Variants in WWP1 observed in about 807,000 individuals in gnomAD.
WWP1 encodes the protein NEDD4-like E3 ubiquitin-protein ligase WWP1.
Under a neutral mutation model 130.6 loss-of-function variants are expected in WWP1, and 49 were observed. That is an observed-to-expected ratio of 0.38 (90% CI 0.30 to 0.48). The LOEUF is 0.48. Ranked by LOEUF, WWP1 falls within the 20% of genes least tolerant of loss-of-function variation. WWP1 has a pLI of 0.99. For synonymous variants in WWP1, 332 were observed against 367.8 expected (o/e 0.90, Z 1.11); for missense variants, 809 against 1,100.6 (o/e 0.74, Z 3.75).
chr8:86,443,392 A>G (rs1324986605), intron 18 of WWP1, among the ~76,000 whole-genome samples: 1 of 152,172 alleles, frequency 6.6e-6, no homozygotes, highest in Non-Finnish European at 1.5e-5. Context: ...AATAAAAGGA[A>G]AATCTGAGCT....
At chr8:86,367,799 C>G (rs1032587638) in intron 1 of WWP1, among the ~76,000 whole-genome samples, 2 of 152,208 alleles carry the variant, frequency 1.3e-5, no homozygotes, top group Non-Finnish European at 2.9e-5. Flanking sequence ...AGTCATACCA[C>G]TATGCAGATT....
At position 86,349,671 on chromosome 8, in the gene WWP1, C is replaced by T. The variant is rs562524154; in HGVS notation, c.-115+6741C>T. On this transcript the variant is annotated intron_variant, in intron 1 of 24. Coordinates refer to ENST00000517970, the MANE Select transcript of WWP1 (RefSeq NM_007013.4). ...ACTACGCAAATGGGAATACCTAGCA[C>T]TCTCCTTGGTTAGAAAAGAGGAGAA... is the stretch of plus-strand genomic sequence containing the variant. Among the ~76,000 whole-genome samples the T allele has an allele frequency of 4.6e-5, 7 of 152,200 alleles. No homozygotes were observed. The South Asian group carries it at 1.4e-3, about 31-fold the overall frequency.
rs1226762778 is a variant in WWP1 at position 86,461,986 on chromosome 8, A to G, written c.2669+140A>G. On this transcript the variant is annotated intron_variant, in intron 24 of 24. Coordinates refer to ENST00000517970, the MANE Select transcript of WWP1 (RefSeq NM_007013.4). ...TTCAATTTTGAGAACAGATTAATAC[A>G]GCATTCTATAACTGAACACTTTAGC... 8 of 662,218 alleles carry G rather than the reference A, an allele frequency of 1.2e-5. No homozygotes were observed. In the East Asian group the frequency reaches 1.9e-4, roughly 15 times the overall value. The allele number at this position is 662,218 out of a possible 1,614,324, so 41.0% of individuals were successfully genotyped here. A position where few individuals can be genotyped will look rare whatever the true frequency, so the allele number is the denominator to read the frequency against.
At chr8:86,433,229 CTTTT>C (rs11321240) in intron 14 of WWP1, among the ~76,000 whole-genome samples, 19 of 119,048 alleles carry the variant, frequency 1.6e-4, no homozygotes, top group Admixed American at 5.2e-4. Context: ...TCCTAAGCCT[CTTTT>C]TTTTTTTTTT....
intron 23 of WWP1, chr8:86,461,526 T>A (rs188346803): frequency 3.2e-5 from 20 of 625,688 alleles, no homozygotes; most frequent in Admixed American, 8.9e-5. Context: ...AGGTGGCCAT[T>A]GCTTTGCTCC....
At chr8:86,378,407 T>C (rs1194889312) in intron 3 of WWP1, among the ~76,000 whole-genome samples, 1 of 152,174 alleles carries the variant, frequency 6.6e-6, no homozygotes, top group East Asian at 1.9e-4. Flanking sequence ...TTAAGTTTAT[T>C]ACTAGATTTT....
Position 86,440,702 on chromosome 8 carries a change from G to A in WWP1, c.1839-1917G>A, listed in dbSNP as rs146658223. On this transcript the variant is annotated intron_variant, in intron 17 of 24. Coordinates refer to ENST00000517970, the MANE Select transcript of WWP1 (RefSeq NM_007013.4). ...TTTGAATATTTTTTCTGTTCCATTT[G>A]TTCCATTTTTCTTCAGGAACATCAG... is the stretch of plus-strand genomic sequence containing the variant. The A allele has an allele frequency of 5.8e-3, 2,649 of 453,998 alleles. 17 individuals carry two copies. The highest frequency in any genetic ancestry group is 0.01 in the Non-Finnish European group (2,308 of 225,742). The allele number at this position is 453,998 out of a possible 1,614,324, so 28.1% of individuals were successfully genotyped here. A position where few individuals can be genotyped will look rare whatever the true frequency, so the allele number is the denominator to read the frequency against.
chr8:86,394,014 C>T (rs960910983), intron 5 of WWP1, among the ~76,000 whole-genome samples: 2 of 152,222 alleles, frequency 1.3e-5, no homozygotes, highest in Non-Finnish European at 2.9e-5. Flanking sequence ...CTCCTCTCAG[C>T]AGCCAGCACC....
At chr8:86,452,746 A>G in intron 21 of WWP1, 67 bp downstream of exon 21, 1 of 1,572,950 alleles carries the variant, frequency 6.4e-7, no homozygotes, top group Non-Finnish European at 8.7e-7. Flanking sequence ...TAGTGCTTTT[A>G]CAGAACAGTG....
Position 86,362,177 on chromosome 8 carries a change from T to C in WWP1, c.-114-6762T>C, listed in dbSNP as rs1168028556. On this transcript the variant is annotated intron_variant, in intron 1 of 24. Coordinates refer to ENST00000517970, the MANE Select transcript of WWP1 (RefSeq NM_007013.4). ...TATATACAAGGCATATATATATATA[T>C]ATATATATATATATATATATATATA... 5.7e-5 allele frequency among the ~76,000 whole-genome samples: 7 copies of C among 123,666 alleles called. 1 individual carries two copies. The highest frequency in any genetic ancestry group is 2.3e-4 in the African/African-American group (7 of 30,776). The allele number at this position is 123,666 out of a possible 152,430, so 81.1% of individuals were successfully genotyped here.
At chr8:86,411,898 G>T in intron 9 of WWP1, 24 bp downstream of exon 9, 1 of 1,561,940 alleles carries the variant, frequency 6.4e-7, no homozygotes, top group South Asian at 1.2e-5. Context: ...TTTAATGTCT[G>T]ACTTGCATTT....
chr8:86,466,602 T>G (rs553237770), intron 24 of WWP1, among the ~76,000 whole-genome samples, 192 bp from the exon 25 acceptor site: 1 of 152,158 alleles, frequency 6.6e-6, no homozygotes, highest in South Asian at 2.1e-4. Flanking sequence ...AATTCCATTT[T>G]CCTCTTGGAG....
At chr8:86,433,588 C>G (rs1316754003) in intron 14 of WWP1, among the ~76,000 whole-genome samples, 3 of 151,864 alleles carry the variant, frequency 2.0e-5, no homozygotes, top group African/African-American at 7.3e-5. Flanking sequence ...AAAAACCCAG[C>G]TCTACCTGTG....
chr8:86,371,518 C>G (rs1824297703), intron 2 of WWP1, among the ~76,000 whole-genome samples: 1 of 152,158 alleles, frequency 6.6e-6, no homozygotes, highest in South Asian at 2.1e-4. Flanking sequence ...ATCAACATTC[C>G]TAGTTTTTAC....
chr8:86,384,346 A>C (rs987326659), intron 5 of WWP1, among the ~76,000 whole-genome samples: 32 of 152,178 alleles, frequency 2.1e-4, no homozygotes, highest in African/African-American at 7.7e-4. Context: ...ACAATAGAAG[A>C]CATTTATGGG....
intron 22 of WWP1, among the ~76,000 whole-genome samples, chr8:86,458,933 C>A (rs1356075892): frequency 1.3e-5 from 2 of 151,948 alleles, no homozygotes; most frequent in Non-Finnish European, 2.9e-5. Flanking sequence ...ACCTAAATGT[C>A]CATCAGGAGA....
At chr8:86,458,156 TC>T in intron 22 of WWP1, 131 bp downstream of exon 22, 1 of 681,600 alleles carries the variant, frequency 1.5e-6, no homozygotes. Context: ...TAATTCTAAA[TC>T]TAAGCGAATA....
rs796349100 is a variant in WWP1, at chr8:86,364,837, G to A, written c.-114-4102G>A. 8.9e-4 allele frequency among the ~76,000 whole-genome samples: 123 copies of A among 137,502 alleles called. 1 individual carries two copies. The highest frequency in any genetic ancestry group is 1.4e-3 in the Non-Finnish European group (85 of 61,282). 90.2% of individuals were successfully genotyped at this position (137,502 alleles called of 152,430 possible). A position where few individuals can be genotyped will look rare whatever the true frequency, so the allele number is the denominator to read the frequency against. ...AAAGAAAGAAAGAAAGAAAGAAAGA[G>A]AGAGAGAGAGAGAGAGAGAGAAAGA... On this transcript the variant is annotated intron_variant, in intron 1 of 24. Coordinates refer to ENST00000517970, the MANE Select transcript of WWP1 (RefSeq NM_007013.4).
intron 8 of WWP1, among the ~76,000 whole-genome samples, chr8:86,409,853 CCTT>C (rs982689744): frequency 6.6e-6 from 1 of 151,570 alleles, no homozygotes; most frequent in African/African-American, 2.4e-5. Context: ...GAGCGAGACA[CCTT>C]CTCAAAAAAA....
Sources: allele counts gnomAD v4.1 joint callset (sites outside exome capture counted in the v4.1 genomes callset), GRCh38; gene constraint gnomAD v4.1.1; transcripts MANE v1.5; gene names NCBI Gene and HGNC (gene_info 2026-07-23, HGNC 2026-07-21).